The following MYCBPAP variants were observed in gnomAD, a reference collection of about 807,000 sequenced individuals.
MYCBPAP encodes MYCBP associated protein, also known as MYCBP-associated protein.
In MYCBPAP, 60 loss-of-function variants were observed where a neutral mutation model predicts 106.1. The observed-to-expected ratio is 0.57, with a 90% confidence interval of 0.46 to 0.70. The LOEUF (loss-of-function observed/expected upper bound fraction) is 0.70, where lower values mean the gene tolerates loss of function less well. Among genes scored for constraint, MYCBPAP ranks in the 30% least tolerant of loss-of-function variants. The pLI is 0.00. For missense variants in MYCBPAP, 1,064 were observed against 1,169.3 expected (o/e 0.91, Z 1.31); for synonymous variants, 407 against 440.6 (o/e 0.92, Z 0.95).
intron 10 of MYCBPAP, 52 bp from the exon 11 acceptor site, chr17:50,522,887 A>T (rs1407795676): frequency 2.3e-5 from 36 of 1,557,266 alleles, no homozygotes; most frequent in Non-Finnish European, 2.1e-5. Context: ...TGAGTTGTTC[A>T]CTCTAGGCCA....
chr17:50,523,931 A>G, intron 12 of MYCBPAP, 147 bp downstream of exon 12: 5 of 821,576 alleles, frequency 6.1e-6, no homozygotes, highest in Non-Finnish European at 9.2e-6. Flanking sequence ...TGCTCCACAA[A>G]CACTTCCCAG....
chr17:50,518,401 C>T, intron 4 of MYCBPAP, 140 bp from the exon 5 acceptor site: 1 of 637,718 alleles, frequency 1.6e-6, no homozygotes, highest in Middle Eastern at 3.9e-4. Context: ...TTTTCTGTCA[C>T]TGGCTACTCT....
rs2034451163 is a variant in MYCBPAP at position 50,526,143 on chromosome 17, G to A, written c.2045G>A (p.Arg682Gln). The A allele has an allele frequency of 1.9e-6, 3 of 1,613,692 alleles. No homozygotes were observed. The highest frequency in any genetic ancestry group is 2.5e-6 in the Non-Finnish European group (3 of 1,179,954). Residue 682 changes from arginine to glutamine, a missense_variant, in exon 14 of 19, where the codon CGG becomes CAG. By Grantham distance (43) the Arg-to-Gln change is conservative. Transcript: ENST00000323776. ...KARVGTKSPQRKSIMEEILVE... is the reference protein window; with the variant it reads ...KARVGTKSPQQKSIMEEILVE... ...AGAGTGGGGACCAAGAGTCCTCAGC[G>A]GAAGAGCATCATGGAGGAGATCCTG... is the stretch of plus-strand genomic sequence containing the variant.
Position 50,517,614 on chromosome 17 carries a change from T to C in MYCBPAP, c.384T>C (p.Asp128=), listed in dbSNP as rs1175576680. 6.2e-7 allele frequency: 1 copy of C among 1,614,212 alleles called. No homozygotes were observed. Among genetic ancestry groups the C allele is most frequent in the South Asian group, 1.1e-5 (1 of 91,086 alleles). ...TCCCAGGTCCCGGTGACAGCTTCGA[T>C]GGCAGTGACCAGATCCTGCCCCACC... ...LDYSGPGDSF[D]GSDQILPHHI... The change falls in exon 4 of 19, where the codon GAT becomes GAC. Residue 128 remains aspartate, a synonymous_variant. Transcript: ENST00000323776.
chr17:50,525,993 C>T lies in MYCBPAP; in HGVS notation c.1895C>T (p.Pro632Leu), dbSNP rs1369162649. ...ARPGDKEHVS[P>L]IATEKASVNA... ...CCAGGGGACAAGGAGCACGTCAGCCCCATAGCCACAGAGAAGGCCTCTGTG... is the reference window on the plus strand; with the variant it reads ...CCAGGGGACAAGGAGCACGTCAGCCTCATAGCCACAGAGAAGGCCTCTGTG... The change falls in exon 14 of 19, where the codon CCC becomes CTC. Residue 632 changes from proline to leucine, a missense_variant. Coordinates refer to ENST00000323776, the MANE Select transcript of MYCBPAP (RefSeq NM_032133.6). 1 of 1,613,776 alleles carries T rather than the reference C, an allele frequency of 6.2e-7. No individual in the cohort carries two copies. The highest frequency in any genetic ancestry group is 1.3e-5 in the African/African-American group (1 of 74,916).
At chr17:50,513,218 CAAA>C (rs1190873215) in intron 1 of MYCBPAP, among the ~76,000 whole-genome samples, 2 of 62,706 alleles carry the variant, frequency 3.2e-5, no homozygotes, top group Non-Finnish European at 6.0e-5. Flanking sequence ...AACTCCATCT[CAAA>C]AAAAAAAAAA....
chr17:50,527,558 C>T (rs1437311235), intron 15 of MYCBPAP, 150 bp downstream of exon 15: 29 of 947,990 alleles, frequency 3.1e-5, no homozygotes, highest in Non-Finnish European at 4.2e-5. Context: ...CGTTCTGGAA[C>T]CCTGCAGTGC....
chr17:50,519,988 T>C, intron 7 of MYCBPAP: 2 of 576,380 alleles, frequency 3.5e-6, no homozygotes, highest in Non-Finnish European at 6.0e-6. Flanking sequence ...GTGAGAGAGC[T>C]AGGAAACTGG....
rs1033063433 is a variant in MYCBPAP at position 50,508,872 on chromosome 17, G to A, written c.76+122G>A. 1.2e-5 allele frequency: 11 copies of A among 928,958 alleles called. No homozygotes were observed. The African/African-American group carries it at 1.6e-4, about 14-fold the overall frequency. The allele number at this position is 928,958 out of a possible 1,614,324, so 57.5% of individuals were successfully genotyped here. On this transcript the variant is annotated intron_variant, in intron 1 of 18. Transcript: ENST00000323776. The stretch of plus-strand genomic sequence containing the variant: ...ACCAGGGATGGAGGAAAGATCACGG[G>A]GAAGTGGGGTACTGGGCATAGGACC...
chr17:50,527,951 T>C lies in MYCBPAP; in HGVS notation c.2292-204T>C, dbSNP rs1474723295. On this transcript the variant is annotated intron_variant, in intron 15 of 18. Transcript: ENST00000323776. ...TAACCCTAGTCCTGGGCCATTTTTTTCTTGGTTGCCACCCAAGGCAAGCCA... is the reference window on the plus strand; with the variant it reads ...TAACCCTAGTCCTGGGCCATTTTTTCCTTGGTTGCCACCCAAGGCAAGCCA... 3.3e-5 allele frequency among the ~76,000 whole-genome samples: 5 copies of C among 152,310 alleles called. No homozygotes were observed. The East Asian group carries it at 7.7e-4, about 24-fold the overall frequency.
In MYCBPAP at chr17:50,519,620, C is replaced by T. The variant is rs201092854; in HGVS notation, c.769-20C>T. 177 of 1,613,664 alleles carry T rather than the reference C, an allele frequency of 1.1e-4. No homozygotes were observed. The highest frequency in any genetic ancestry group is 1.1e-4 in the Non-Finnish European group (130 of 1,179,680). ...GCTGAGGTGTCCTGGTAATCTGACT[C>T]ACCTTTCCTTCCTTGCCAGAGCTGG... On this transcript the variant is annotated intron_variant, in intron 6 of 18. Transcript: ENST00000323776.
At chr17:50,508,412 G>T, upstream of MYCBPAP, 2 of 799,026 alleles carry the variant, frequency 2.5e-6, no homozygotes, top group Non-Finnish European at 3.7e-6. Flanking sequence ...CGTCGGCGCC[G>T]CCTGTGGCGT....
chr17:50,517,754 C>T, intron 4 of MYCBPAP, 56 bp downstream of exon 4: 2 of 1,425,874 alleles, frequency 1.4e-6, no homozygotes, highest in South Asian at 2.3e-5. Flanking sequence ...ATTTTGGTCT[C>T]CCACCTGACA....
At chr17:50,522,857 A>G in intron 10 of MYCBPAP, 82 bp from the exon 11 acceptor site, 1 of 1,424,924 alleles carries the variant, frequency 7.0e-7, no homozygotes, top group Non-Finnish European at 9.6e-7. Context: ...TAAAGCCAGA[A>G]AAGTCCTGGG....
In MYCBPAP at chr17:50,520,768, C is replaced by T. The variant is rs1448757231; in HGVS notation, c.917-342C>T. ...CCCCTCTGGCCTGTAGTTTCCTCAT[C>T]TGTAAAATATGCACAGGGTTGTGAT... On this transcript the variant is annotated intron_variant, in intron 7 of 18. Transcript: ENST00000323776. 2.0e-5 allele frequency among the ~76,000 whole-genome samples: 3 copies of T among 152,234 alleles called. No individual in the cohort carries two copies. In the East Asian group the frequency reaches 5.8e-4, roughly 29 times the overall value.
chr17:50,526,889 A>AT (rs2034481643), intron 14 of MYCBPAP, among the ~76,000 whole-genome samples: 1 of 151,752 alleles, frequency 6.6e-6, no homozygotes, highest in African/African-American at 2.4e-5. Context: ...CCAATTTTGT[A>AT]TTTTTAGTAG....
chr17:50,522,272 A>G (rs757535771), intron 10 of MYCBPAP, 191 bp downstream of exon 10: 17 of 512,976 alleles, frequency 3.3e-5, no homozygotes, highest in Non-Finnish European at 5.3e-5. Context: ...TGCGAGTGTC[A>G]TAAGCCACTT....
At chr17:50,526,764 G>T (rs1227751669) in intron 14 of MYCBPAP, among the ~76,000 whole-genome samples, 1 of 152,194 alleles carries the variant, frequency 6.6e-6, no homozygotes, top group Non-Finnish European at 1.5e-5. Context: ...TTGTATTTTT[G>T]TAGAGACGGG....
chr17:50,525,108 G>A (rs2034414241), intron 13 of MYCBPAP, 85 bp downstream of exon 13: 1 of 1,508,330 alleles, frequency 6.6e-7, no homozygotes, highest in East Asian at 2.3e-5. Flanking sequence ...CGGCAGGTGA[G>A]CAGTGGGTGA....
Sources: gnomAD v4.1 joint callset for allele counts (sites outside exome capture counted in the v4.1 genomes callset) on GRCh38, gnomAD v4.1.1 for gene constraint, MANE v1.5 for transcripts, NCBI Gene and HGNC (gene_info 2026-07-23, HGNC 2026-07-21) for gene names.